OPCML: variants seen among roughly 807,000 people sequenced by gnomAD.
OPCML encodes the protein opioid-binding protein/cell adhesion molecule.
A neutral mutation model predicts 37.8 loss-of-function variants in OPCML; 13 were observed. That is an observed-to-expected ratio of 0.34 (90% CI 0.22 to 0.55). The LOEUF (loss-of-function observed/expected upper bound fraction) is 0.55. Ranked by LOEUF, OPCML falls within the 20% of genes least tolerant of loss-of-function variation. The pLI is 0.91. For missense variants in OPCML, 341 were observed against 435.6 expected (o/e 0.78, Z 1.93); for synonymous variants, 176 against 168.8 (o/e 1.04, Z -0.33).
At chr11:133,386,702 G>A (rs1332288770) in intron 1 of OPCML, among the ~76,000 whole-genome samples, 3 of 152,242 alleles carry the variant, frequency 2.0e-5, no homozygotes, top group Non-Finnish European at 4.4e-5. Flanking sequence ...AAAGCGCTAA[G>A]CAAATCACAT....
At chr11:132,744,345 T>C (rs1945542376) in intron 2 of OPCML, among the ~76,000 whole-genome samples, 1 of 152,176 alleles carries the variant, frequency 6.6e-6, no homozygotes, top group African/African-American at 2.4e-5. Flanking sequence ...ATTACTTTTG[T>C]TTTGAAACTT....
At chr11:132,967,302 CT>C (rs1946237753) in intron 1 of OPCML, among the ~76,000 whole-genome samples, 1 of 151,984 alleles carries the variant, frequency 6.6e-6, no homozygotes, top group South Asian at 2.1e-4. Context: ...GCTTTATGCC[CT>C]TTTCCCACAT....
chr11:132,986,229 C>T (rs1946679744), intron 1 of OPCML, among the ~76,000 whole-genome samples: 1 of 152,164 alleles, frequency 6.6e-6, no homozygotes, highest in Admixed American at 6.5e-5. Context: ...AAATCACTGA[C>T]TTACTCATCT....
intron 2 of OPCML, among the ~76,000 whole-genome samples, chr11:132,833,554 G>A (rs1428476795): frequency 6.6e-6 from 1 of 152,214 alleles, no homozygotes; most frequent in Non-Finnish European, 1.5e-5. Flanking sequence ...GTGTGGTGAT[G>A]TAAATACATA....
intron 2 of OPCML, among the ~76,000 whole-genome samples, chr11:132,735,545 G>C (rs756326619): frequency 3.3e-5 from 5 of 152,032 alleles, no homozygotes; most frequent in Non-Finnish European, 5.9e-5. Flanking sequence ...GGAGTGCAGT[G>C]GTGCAATCTT....
intron 1 of OPCML, among the ~76,000 whole-genome samples, chr11:133,458,570 TAC>T (rs1287082208): frequency 2.7e-5 from 3 of 110,540 alleles, no homozygotes; most frequent in African/African-American, 1.8e-4. Context: ...TACACATATA[TAC>T]ACGTGTGTGT....
intron 1 of OPCML, among the ~76,000 whole-genome samples, chr11:132,948,129 G>A (rs1234831775): frequency 1.3e-5 from 2 of 152,192 alleles, no homozygotes; most frequent in Admixed American, 1.3e-4. Context: ...TTCTTGAAAT[G>A]TACCGGGCAT....
rs1253333107 is a variant in OPCML, at chr11:132,485,559, C to T, written c.505+43502G>A. 1.3e-5 allele frequency among the ~76,000 whole-genome samples: 2 copies of T among 152,172 alleles called. 1 individual carries two copies. The highest frequency in any genetic ancestry group is 4.1e-4 in the South Asian group (2 of 4,828). ...AATTCCCCCACCATGTGGCTCCTGC[C>T]ACCCCATGTCAAGGCAGCCACTGAT... On this transcript the variant is annotated intron_variant, in intron 4 of 7. Transcript: ENST00000524381.
At chr11:132,466,202 T>C (rs1218697765) in intron 4 of OPCML, among the ~76,000 whole-genome samples, 1 of 151,994 alleles carries the variant, frequency 6.6e-6, no homozygotes, top group Non-Finnish European at 1.5e-5. Flanking sequence ...AAAGCTTGTT[T>C]AGGCCGCGCA....
intron 3 of OPCML, among the ~76,000 whole-genome samples, chr11:132,565,263 C>T (rs1308363551): frequency 6.6e-6 from 1 of 152,172 alleles, no homozygotes; most frequent in Non-Finnish European, 1.5e-5. Flanking sequence ...TTTCCAAACA[C>T]TAATGCTCAT....
chr11:133,395,311 G>A (rs184915593), intron 1 of OPCML, among the ~76,000 whole-genome samples: 82 of 152,148 alleles, frequency 5.4e-4, no homozygotes, highest in East Asian at 1.2e-3. Context: ...ATTTTCTCCC[G>A]TCCTGTGAGT....
intron 2 of OPCML, among the ~76,000 whole-genome samples, chr11:132,685,502 T>C (rs1301126696): frequency 2.0e-5 from 3 of 152,180 alleles, no homozygotes; most frequent in Non-Finnish European, 4.4e-5. Context: ...GGCAAGTTTC[T>C]CTTAGACAAG....
intron 7 of OPCML, among the ~76,000 whole-genome samples, chr11:132,422,990 T>A (rs1302587245): frequency 6.6e-6 from 1 of 152,210 alleles, no homozygotes; most frequent in Non-Finnish European, 1.5e-5. Context: ...TGGGGTTTGA[T>A]GACCTGTGAG....
chr11:133,117,469 C>A (rs148947754), intron 1 of OPCML, among the ~76,000 whole-genome samples: 3 of 152,150 alleles, frequency 2.0e-5, no homozygotes, highest in Non-Finnish European at 4.4e-5. Context: ...GGGACCAAAG[C>A]GAATTGGGCC....
intron 1 of OPCML, among the ~76,000 whole-genome samples, chr11:133,383,461 C>G (rs1944975185): frequency 6.6e-6 from 1 of 152,180 alleles, no homozygotes; most frequent in Admixed American, 6.5e-5. Flanking sequence ...ATCTGCTGCT[C>G]TCCCACATGA....
intron 3 of OPCML, among the ~76,000 whole-genome samples, chr11:132,634,359 C>T (rs565437486): frequency 6.6e-6 from 1 of 152,342 alleles, no homozygotes; most frequent in East Asian, 1.9e-4. Flanking sequence ...CCACAAGGAA[C>T]ATCTGCACAT....
At chr11:133,242,701 C>A (rs1940775071) in intron 1 of OPCML, among the ~76,000 whole-genome samples, 1 of 152,142 alleles carries the variant, frequency 6.6e-6, no homozygotes, top group Non-Finnish European at 1.5e-5. Context: ...TACTGAGGAT[C>A]AGGACTTAAA....
intron 1 of OPCML, among the ~76,000 whole-genome samples, chr11:133,191,799 CCTTTT>C (rs899295461): frequency 6.6e-6 from 1 of 152,116 alleles, no homozygotes; most frequent in Admixed American, 6.6e-5. Context: ...TGGCCTGTAT[CCTTTT>C]CTTATCTCCA....
At chr11:133,011,797 T>A (rs1441726175) in intron 1 of OPCML, among the ~76,000 whole-genome samples, 1 of 152,154 alleles carries the variant, frequency 6.6e-6, no homozygotes, top group African/African-American at 2.4e-5. Flanking sequence ...CCCAGTGAGC[T>A]TATCTGCAAA....
Sources: allele counts gnomAD v4.1 joint callset (sites outside exome capture counted in the v4.1 genomes callset), GRCh38; gene constraint gnomAD v4.1.1; transcripts MANE v1.5; gene names NCBI Gene and HGNC (gene_info 2026-07-23, HGNC 2026-07-21).